Variants in SUPT3H observed in about 807,000 individuals in gnomAD.
SUPT3H encodes the protein SPT3 homolog, SAGA and STAGA complex component, also known as transcription initiation protein SPT3 homolog.
A neutral mutation model predicts 44.3 loss-of-function variants in SUPT3H; 44 were observed. The observed-to-expected ratio is 0.99, with a 90% confidence interval of 0.78 to 1.28. SUPT3H has a LOEUF of 1.28. SUPT3H is among the 50% of genes most tolerant of loss of function. The pLI is 0.00. For missense variants in SUPT3H, 380 were observed against 387.1 expected (o/e 0.98, Z 0.15); for synonymous variants, 124 against 125.6 (o/e 0.99, Z 0.09).
chr6:45,156,179 G>A (rs113206542), intron 2 of SUPT3H, among the ~76,000 whole-genome samples: 66 of 152,222 alleles, frequency 4.3e-4, no homozygotes, highest in Middle Eastern at 3.4e-3. Context: ...TTAAGCATGA[G>A]CATAAGCTCA....
chr6:45,097,044 AACTTGTTATCCTAT>A (rs1401811413), intron 3 of SUPT3H, among the ~76,000 whole-genome samples: 1 of 152,200 alleles, frequency 6.6e-6, no homozygotes, highest in African/African-American at 2.4e-5. Flanking sequence ...AGTCTTGTGG[AACTTGTTATCCTAT>A]ACATAGTGAA....
chr6:44,818,622 G>A (rs2153404854), intron 11 of SUPT3H, among the ~76,000 whole-genome samples: 1 of 152,238 alleles, frequency 6.6e-6, no homozygotes, highest in Admixed American at 6.5e-5. Context: ...AAACAACCAT[G>A]TTTTTAAGGG....
At chr6:45,213,588 T>A (rs562866712) in intron 2 of SUPT3H, among the ~76,000 whole-genome samples, 1 of 152,126 alleles carries the variant, frequency 6.6e-6, no homozygotes, top group Non-Finnish European at 1.5e-5. Flanking sequence ...AACAAAACAT[T>A]CATAAATCAA....
chr6:45,100,863 A>G (rs1798469935), intron 3 of SUPT3H, among the ~76,000 whole-genome samples: 1 of 152,164 alleles, frequency 6.6e-6, no homozygotes, highest in South Asian at 2.1e-4. Context: ...ATACAAAGGA[A>G]AACAGTATGC....
At chr6:45,346,678 T>C (rs1268145705) in intron 2 of SUPT3H, among the ~76,000 whole-genome samples, 3 of 151,818 alleles carry the variant, frequency 2.0e-5, no homozygotes, top group Non-Finnish European at 4.4e-5. Flanking sequence ...AGCAATTCTC[T>C]TGCCTCTGCC....
intron 2 of SUPT3H, among the ~76,000 whole-genome samples, chr6:45,121,737 G>A (rs181758929): frequency 3.9e-5 from 6 of 152,106 alleles, no homozygotes; most frequent in Non-Finnish European, 7.4e-5. Context: ...GTGCGGTGGC[G>A]TGATCTTGGC....
chr6:45,300,893 G>A lies in SUPT3H; in HGVS notation c.101+64308C>T, dbSNP rs73735352. On this transcript the variant is annotated intron_variant, in intron 2 of 10. Transcript: ENST00000371459. The stretch of plus-strand genomic sequence containing the variant: ...CTCTTAGTAAAAAATTTAAAGAAGT[G>A]AATGAGGCAACAAAACTGTGGGTTC... Among the ~76,000 whole-genome samples, 1,095 of 152,180 alleles carry A rather than the reference G, an allele frequency of 7.2e-3. 18 individuals are homozygous for A. The highest frequency in any genetic ancestry group is 0.025 in the African/African-American group (1,043 of 41,500).
intron 3 of SUPT3H, among the ~76,000 whole-genome samples, chr6:45,096,006 T>G (rs533833172): frequency 2.6e-5 from 4 of 152,140 alleles, no homozygotes; most frequent in Non-Finnish European, 4.4e-5. Context: ...CTATTACTAC[T>G]GTTACTAGTA....
intron 2 of SUPT3H, among the ~76,000 whole-genome samples, chr6:45,121,518 TG>T (rs35707096): frequency 0.092 from 13,027 of 142,286 alleles, 898 homozygotes; most frequent in African/African-American, 0.21. Flanking sequence ...TGAAATTATG[TG>T]GGGGGGGGGG....
At chr6:45,332,449 C>T (rs1030301025) in intron 2 of SUPT3H, among the ~76,000 whole-genome samples, 3 of 151,656 alleles carry the variant, frequency 2.0e-5, no homozygotes, top group Admixed American at 6.6e-5. Flanking sequence ...ATGATGCACC[C>T]GTGCATACTT....
At position 45,249,369 on chromosome 6, in the gene SUPT3H, ACTCTT is replaced by A. The variant is rs552898631; in HGVS notation, c.101+115827_101+115831del. 1.1e-4 allele frequency among the ~76,000 whole-genome samples: 17 copies of A among 152,052 alleles called. 1 individual carries two copies. The East Asian group carries it at 2.5e-3, about 22-fold the overall frequency. ...AGTATATCTAGTCAAATGACATTTA[ACTCTT>A]CTCTGTACTAAAAAGGCAAAATTAC... On this transcript the variant is annotated intron_variant, in intron 2 of 10. Transcript: ENST00000371459.
In SUPT3H at chr6:45,317,030, CAGCCTG is replaced by C. The variant is rs549668229; in HGVS notation, c.101+48165_101+48170del. On this transcript the variant is annotated intron_variant, in intron 2 of 10. Transcript: ENST00000371459. ...TCACTTGAGCTCAGAAGTTCAAGAC[CAGCCTG>C]GGCAACATGGCGAGACCCCATCTCT... is the stretch of plus-strand genomic sequence containing the variant. 2.3e-3 allele frequency among the ~76,000 whole-genome samples: 352 copies of C among 151,882 alleles called. 1 individual carries two copies. The highest frequency in any genetic ancestry group is 7.8e-3 in the African/African-American group (321 of 41,416).
intron 2 of SUPT3H, among the ~76,000 whole-genome samples, chr6:45,147,421 G>A (rs1156953953): frequency 6.6e-6 from 1 of 151,714 alleles, no homozygotes; most frequent in Non-Finnish European, 1.5e-5. Context: ...ATACTAACTG[G>A]ACAACTAGTA....
chr6:45,142,423 G>GT (rs1562540429), intron 2 of SUPT3H, among the ~76,000 whole-genome samples: 1 of 151,810 alleles, frequency 6.6e-6, no homozygotes, highest in Non-Finnish European at 1.5e-5. Context: ...GAATATAAAG[G>GT]GCCTAAATGC....
rs1773638676 is a variant in SUPT3H, at chr6:44,855,889, A to G, written c.913-26032T>C. Among the ~76,000 whole-genome samples, 3 of 152,302 alleles carry G rather than the reference A, an allele frequency of 2.0e-5. No individual in the cohort carries two copies. In the South Asian group the frequency reaches 6.2e-4, roughly 32 times the overall value. On this transcript the variant is annotated intron_variant, in intron 10 of 10. Transcript: ENST00000371459. The stretch of plus-strand genomic sequence containing the variant: ...AAGCTGTCTTTTAATAGTTTCAATG[A>G]AAGCTGTGCAAGGAAATAATATTCT...
intron 10 of SUPT3H, among the ~76,000 whole-genome samples, chr6:44,894,539 C>A (rs534429173): frequency 6.6e-6 from 1 of 152,004 alleles, no homozygotes; most frequent in South Asian, 2.1e-4. Flanking sequence ...TGTAGATATG[C>A]GGTGTTATTT....
intron 11 of SUPT3H, among the ~76,000 whole-genome samples, chr6:44,819,031 C>A (rs1364052944): frequency 6.6e-6 from 1 of 152,130 alleles, no homozygotes; most frequent in Non-Finnish European, 1.5e-5. Context: ...GTGTTCAGAG[C>A]AATTTTATTT....
chr6:45,240,317 T>C lies in SUPT3H; in HGVS notation c.101+124884A>G, dbSNP rs186538486. ...ACGAGTAATTTAATGATAGCTATGATAGCGGTGGTCACTACTGCCGTGAGT... is the reference window on the plus strand; with the variant it reads ...ACGAGTAATTTAATGATAGCTATGACAGCGGTGGTCACTACTGCCGTGAGT... On this transcript the variant is annotated intron_variant, in intron 2 of 10. Coordinates refer to ENST00000371459, the MANE Select transcript of SUPT3H (RefSeq NM_003599.4). 1.8e-4 allele frequency among the ~76,000 whole-genome samples: 28 copies of C among 152,272 alleles called. No homozygotes were observed. In the East Asian group the frequency reaches 4.8e-3, roughly 26 times the overall value.
At chr6:44,868,632 G>A (rs1206258502) in intron 10 of SUPT3H, among the ~76,000 whole-genome samples, 2 of 152,172 alleles carry the variant, frequency 1.3e-5, no homozygotes, top group African/African-American at 2.4e-5. Flanking sequence ...GAGTCTTGAA[G>A]GTGCCATTTC....
Sources: gnomAD v4.1 joint callset for allele counts (sites outside exome capture counted in the v4.1 genomes callset) on GRCh38, gnomAD v4.1.1 for gene constraint, MANE v1.5 for transcripts, NCBI Gene and HGNC (gene_info 2026-07-23, HGNC 2026-07-21) for gene names.